PCDHGA1: variants seen among roughly 807,000 people sequenced by gnomAD.
PCDHGA1 encodes protocadherin gamma-A1.
Under a neutral mutation model 58.0 loss-of-function variants are expected in PCDHGA1, and 32 were observed. That is an observed-to-expected ratio of 0.55 (90% CI 0.42 to 0.74). The LOEUF (loss-of-function observed/expected upper bound fraction) is 0.74, where lower values mean the gene tolerates loss of function less well. Ranked by LOEUF, PCDHGA1 falls within the 30% of genes least tolerant of loss-of-function variation. PCDHGA1 has a pLI of 0.00. For synonymous variants in PCDHGA1, 498 were observed against 501.1 expected (o/e 0.99, Z 0.08); for missense variants, 1,205 against 1,182.3 (o/e 1.02, Z -0.28).
At chr5:141,483,240 T>C (rs2099578643) in intron 1 of PCDHGA1, among the ~76,000 whole-genome samples, 2 of 151,742 alleles carry the variant, frequency 1.3e-5, no homozygotes, top group Non-Finnish European at 1.5e-5. Flanking sequence ...TGAACTGATA[T>C]GCATATATCA....
intron 1 of PCDHGA1, among the ~76,000 whole-genome samples, chr5:141,380,075 C>T (rs1776189722): frequency 6.6e-6 from 1 of 151,480 alleles, no homozygotes; most frequent in African/African-American, 2.4e-5. Flanking sequence ...AATTTTCATA[C>T]TTTTAGTAGA....
rs2097422953 is a variant in PCDHGA1 at position 141,431,840 on chromosome 5, C to A, written c.2422-62967C>A. The A allele has an allele frequency of 1.9e-6, 3 of 1,614,248 alleles. No homozygotes were observed. The highest frequency in any genetic ancestry group is 1.6e-4 in the Middle Eastern group (1 of 6,062). ...CGCCAGCTCGGTTCCCGAAAACTCT[C>A]CCAGAGGGACATTAATTGCCCTTTT... On this transcript the variant is annotated intron_variant, in intron 1 of 3. Transcript: ENST00000517417. The surrounding 1 kb of genome is among the most constrained non-coding windows in gnomAD (Gnocchi z 4.8).
intron 1 of PCDHGA1, among the ~76,000 whole-genome samples, chr5:141,369,377 G>T (rs1257760111): frequency 6.6e-6 from 1 of 152,152 alleles, no homozygotes; most frequent in Non-Finnish European, 1.5e-5. Flanking sequence ...CTTTGTAAAA[G>T]TTTTTCATTT....
chr5:141,415,890 C>A lies in PCDHGA1; in HGVS notation c.2422-78917C>A, dbSNP rs2095969500. The A allele has an allele frequency of 9.7e-6, 9 of 931,410 alleles. No homozygotes were observed. In the South Asian group the frequency reaches 2.3e-4, roughly 24 times the overall value. 57.7% of individuals were successfully genotyped at this position (931,410 alleles called of 1,614,324 possible). On this transcript the variant is annotated intron_variant, in intron 1 of 3. Coordinates refer to ENST00000517417, the MANE Select transcript of PCDHGA1 (RefSeq NM_018912.3). Reference sequence around the variant, plus strand: ...GTTGTTGAGTACAATATTGACAATTCCTAAGACAGACTTCCATACAGAAGT... The same window carrying A: ...GTTGTTGAGTACAATATTGACAATTACTAAGACAGACTTCCATACAGAAGT...
intron 1 of PCDHGA1, among the ~76,000 whole-genome samples, chr5:141,488,544 C>G (rs1225754325): frequency 6.6e-6 from 1 of 152,166 alleles, no homozygotes; most frequent in African/African-American, 2.4e-5. Flanking sequence ...AGTCCCATGT[C>G]AGCTGACATT....
At chr5:141,393,175 T>C in intron 1 of PCDHGA1, 2 of 1,613,210 alleles carry the variant, frequency 1.2e-6, no homozygotes, top group Non-Finnish European at 1.7e-6. Flanking sequence ...GGGGTAGAAA[T>C]AGAAATAATT....
At chr5:141,338,984 C>T (rs774904169) in intron 1 of PCDHGA1, 2 of 1,538,340 alleles carry the variant, frequency 1.3e-6, no homozygotes, top group Non-Finnish European at 1.8e-6. Flanking sequence ...GGCGGCTCTG[C>T]AAAAGTTGCC....
At chr5:141,361,434 C>T in intron 1 of PCDHGA1, 1 of 1,614,066 alleles carries the variant, frequency 6.2e-7, no homozygotes, top group Non-Finnish European at 8.5e-7. Context: ...CGCCCCTCTC[C>T]TCCAGCATAA....
intron 1 of PCDHGA1, among the ~76,000 whole-genome samples, chr5:141,463,999 C>A (rs1261262637): frequency 1.3e-5 from 2 of 152,056 alleles, no homozygotes; most frequent in African/African-American, 4.8e-5. Flanking sequence ...GGTGCAGTGG[C>A]TCATGCTTGT....
rs1328089059 is a variant in PCDHGA1, at chr5:141,478,532, G to A, written c.2422-16275G>A. 4.4e-6 allele frequency: 7 copies of A among 1,607,742 alleles called. No homozygotes were observed. The East Asian group carries it at 1.6e-4, about 36-fold the overall frequency. On this transcript the variant is annotated intron_variant, in intron 1 of 3. Coordinates refer to ENST00000517417, the MANE Select transcript of PCDHGA1 (RefSeq NM_018912.3). Reference sequence around the variant, plus strand: ...TAGGCAGGTGTTGGGTGCAGAGAGCGCCCCTCCCGGACAGGTAAGGTTTAG... The same window carrying A: ...TAGGCAGGTGTTGGGTGCAGAGAGCACCCCTCCCGGACAGGTAAGGTTTAG...
chr5:141,485,242 C>A lies in PCDHGA1; in HGVS notation c.2422-9565C>A, dbSNP rs747029550. ...CTACCCTTTTGTTCCTCTTTTACCA[C>A]CTGGGTTACGTTTGTGGGCAGATCC... On this transcript the variant is annotated intron_variant, in intron 1 of 3. Transcript: ENST00000517417. This position sits in a 1 kb window ranked among gnomAD's most constrained non-coding sequence, Gnocchi z 5.7. 7.4e-5 allele frequency: 119 copies of A among 1,614,054 alleles called. No individual in the cohort carries two copies. The highest frequency in any genetic ancestry group is 3.3e-4 in the Middle Eastern group (2 of 6,084).
At chr5:141,355,405 A>G (rs759129732) in intron 1 of PCDHGA1, 1 of 1,613,982 alleles carries the variant, frequency 6.2e-7, no homozygotes, top group African/African-American at 1.3e-5. Flanking sequence ...CATCGTCTCC[A>G]GAGGTAGGAC....
chr5:141,332,479 G>C lies in PCDHGA1; in HGVS notation c.1795G>C (p.Gly599Arg), dbSNP rs1396960261. The change falls in exon 1 of 4, where the codon GGC becomes CGC. Residue 599 changes from glycine to arginine, a missense_variant. Physicochemically the swap from Gly to Arg is moderately radical, Grantham distance 125. Transcript: ENST00000517417. This position sits in a 1 kb window ranked among gnomAD's most constrained non-coding sequence, Gnocchi z 4.6. ...TKVVAVDRDS[G>R]QNAWLSYRLL... ...GGTGGTGGCGGTGGACAGAGACTCG[G>C]GCCAGAACGCCTGGCTGTCCTACCG... 3.1e-6 allele frequency: 5 copies of C among 1,613,240 alleles called. No individual in the cohort carries two copies. Among genetic ancestry groups the C allele is most frequent in the Non-Finnish European group, 4.2e-6 (5 of 1,180,018 alleles).
chr5:141,427,805 A>G lies in PCDHGA1; in HGVS notation c.2422-67002A>G, dbSNP rs1010656936. The G allele has an allele frequency of 3.3e-6, 5 of 1,520,154 alleles. No homozygotes were observed. In the African/African-American group the frequency reaches 4.1e-5, roughly 12 times the overall value. 94.2% of individuals were successfully genotyped at this position (1,520,154 alleles called of 1,614,324 possible). ...TGTCGTCCTACGTGTCCGTGAGCGC[A>G]CAGAGCGGGGTGGTGGTCGCGCAGC... On this transcript the variant is annotated intron_variant, in intron 1 of 3. Coordinates refer to ENST00000517417, the MANE Select transcript of PCDHGA1 (RefSeq NM_018912.3).
chr5:141,352,388 C>G (rs1021854619), intron 1 of PCDHGA1: 2 of 1,614,058 alleles, frequency 1.2e-6, no homozygotes, highest in Non-Finnish European at 8.5e-7. Flanking sequence ...GATCGCCCTG[C>G]GCCTGCGACG....
intron 1 of PCDHGA1, chr5:141,399,483 C>G (rs753137844): frequency 6.2e-7 from 1 of 1,613,930 alleles, no homozygotes; most frequent in African/African-American, 1.3e-5. Context: ...ACCAGGCGTC[C>G]TACTTAGTCA....
At chr5:141,462,035 C>T (rs35674654) in intron 1 of PCDHGA1, among the ~76,000 whole-genome samples, 14,886 of 152,176 alleles carry the variant, frequency 0.098, 964 homozygotes, top group Non-Finnish European at 0.14. Context: ...GTTGGTCAGG[C>T]GGGTCTTGAA....
intron 1 of PCDHGA1, chr5:141,384,111 G>A: frequency 6.2e-7 from 1 of 1,604,746 alleles, no homozygotes; most frequent in Non-Finnish European, 8.5e-7. Context: ...ATTATAGATT[G>A]GTCACAACCA....
chr5:141,407,355 A>C (rs991392072), intron 1 of PCDHGA1, among the ~76,000 whole-genome samples: 8 of 152,198 alleles, frequency 5.3e-5, no homozygotes, highest in Non-Finnish European at 1.0e-4. Context: ...TTTGGGGAAA[A>C]CATAACAGAT....
Sources: gnomAD v4.1 joint callset for allele counts (sites outside exome capture counted in the v4.1 genomes callset) on GRCh38, gnomAD v4.1.1 for gene constraint, Gnocchi (gnomAD v3.1) non-coding constraint, MANE v1.5 for transcripts, NCBI Gene and HGNC (gene_info 2026-07-23, HGNC 2026-07-21) for gene names.